MCM9: variants seen among roughly 807,000 people sequenced by gnomAD.
MCM9 encodes minichromosome maintenance 9 homologous recombination repair factor.
A neutral mutation model predicts 72.8 loss-of-function variants in MCM9; 55 were observed. The ratio of observed to expected loss-of-function variants is 0.76; its 90% CI spans 0.61 to 0.95. MCM9 has a LOEUF of 0.95. Ranked by LOEUF, MCM9 falls within the 40% of genes least tolerant of loss-of-function variation. The probability of loss-of-function intolerance (pLI) is 0.00; values close to 1 mark genes in which losing one functional copy is unlikely to be tolerated. For missense variants in MCM9, 1,279 were observed against 1,377.0 expected, an observed-to-expected ratio of 0.93 and a Z score of 1.13; for synonymous variants, 480 against 503.4, an observed-to-expected ratio of 0.95 and a Z score of 0.62.
At chr6:118,868,680 G>T (rs566501908) in intron 8 of MCM9, among the ~76,000 whole-genome samples, 1 of 152,230 alleles carries the variant, frequency 6.6e-6, no homozygotes, top group South Asian at 2.1e-4. Context: ...CATCATCACT[G>T]GTCATTAGAG....
chr6:118,874,732 T>C (rs1777828469), intron 8 of MCM9, among the ~76,000 whole-genome samples: 1 of 152,260 alleles, frequency 6.6e-6, no homozygotes, highest in Non-Finnish European at 1.5e-5. Flanking sequence ...TAAGTGATTA[T>C]AGCAAGGTTG....
chr6:118,821,194 A>C (rs1773782201), intron 13 of MCM9, among the ~76,000 whole-genome samples: 1 of 152,180 alleles, frequency 6.6e-6, no homozygotes, highest in Admixed American at 6.5e-5. Flanking sequence ...TTTGCACATT[A>C]GTTGATGCAG....
At position 118,829,144 on chromosome 6, in the gene MCM9, G is replaced by A. The variant is rs1310903225; in HGVS notation, c.1432C>T (p.Pro478Ser). ...ATCAGGTCAAATCGACTTAAGAGTG[G>A]GCTGCCGAGGGCAATGTTCACAGAC... ...SVSVNIALGS[P>S]LLSRFDLILV... The change falls in exon 10 of 14, where the codon CCA becomes TCA. Residue 478 changes from proline (P) to serine (S), a missense_variant. Coordinates refer to ENST00000619706, the MANE Select transcript of MCM9 (RefSeq NM_017696.3). The A allele has an allele frequency of 1.3e-6, 2 of 1,550,376 alleles. No homozygotes were observed. Among genetic ancestry groups the A allele is most frequent in the Non-Finnish European group, 8.7e-7 (1 of 1,146,990 alleles).
At chr6:118,828,178 A>G in intron 10 of MCM9, 48 bp from the exon 11 acceptor site, 1 of 1,405,236 alleles carries the variant, frequency 7.1e-7, no homozygotes, top group Non-Finnish European at 9.7e-7. Flanking sequence ...ACAGGCAAAC[A>G]TCTCATTTTA....
chr6:118,920,707 C>G (rs1458095403), intron 5 of MCM9: 3 of 152,226 alleles, frequency 2.0e-5, no homozygotes, highest in Non-Finnish European at 4.4e-5. Flanking sequence ...TGTGCCTGCT[C>G]CCCCTCTCCC....
chr6:118,875,829 C>T (rs973326029), intron 8 of MCM9, among the ~76,000 whole-genome samples: 7 of 152,080 alleles, frequency 4.6e-5, no homozygotes, highest in African/African-American at 1.7e-4. Context: ...TTGGCAGTTT[C>T]TAACAAAAGC....
intron 5 of MCM9, chr6:118,920,648 G>A (rs1330446268): frequency 3.3e-5 from 5 of 152,164 alleles, no homozygotes; most frequent in Non-Finnish European, 5.9e-5. Flanking sequence ...ATTTAAATGT[G>A]TGTGGCACCT....
At chr6:118,816,378 A>G in intron 13 of MCM9, 84 bp from the exon 14 acceptor site, 2 of 1,187,666 alleles carry the variant, frequency 1.7e-6, no homozygotes, top group Non-Finnish European at 2.3e-6. Flanking sequence ...TCTCTGAGAT[A>G]CCATCTTAAA....
chr6:118,832,119 G>A (rs976727948), intron 9 of MCM9, among the ~76,000 whole-genome samples: 3 of 152,116 alleles, frequency 2.0e-5, no homozygotes, highest in African/African-American at 7.2e-5. Flanking sequence ...GTAGTGCAGT[G>A]GAGCAATTAC....
chr6:118,829,357 C>CTCCT, intron 9 of MCM9, 107 bp from the exon 10 acceptor site: 1 of 1,010,322 alleles, frequency 9.9e-7, no homozygotes, highest in Non-Finnish European at 1.4e-6. Context: ...AATCTACGAA[C>CTCCT]TCCTATGAAA....
chr6:118,898,933 G>A (rs1779616322), intron 8 of MCM9, among the ~76,000 whole-genome samples: 1 of 152,060 alleles, frequency 6.6e-6, no homozygotes, highest in Non-Finnish European at 1.5e-5. Context: ...TCATTGACAG[G>A]TTCCAAATTT....
chr6:118,906,577 C>T (rs1780192245), intron 8 of MCM9, among the ~76,000 whole-genome samples: 1 of 152,114 alleles, frequency 6.6e-6, no homozygotes, highest in Non-Finnish European at 1.5e-5. Context: ...CCTATGAATA[C>T]GGTTATCTCA....
chr6:118,855,058 G>T (rs914063949), intron 9 of MCM9, among the ~76,000 whole-genome samples: 1 of 152,130 alleles, frequency 6.6e-6, no homozygotes, highest in Non-Finnish European at 1.5e-5. Context: ...GCACAAAGTA[G>T]CTGTGGTTAT....
At chr6:118,843,670 GTATGTATA>G (rs1775617550) in intron 9 of MCM9, among the ~76,000 whole-genome samples, 2 of 17,144 alleles carry the variant, frequency 1.2e-4, no homozygotes, top group Non-Finnish European at 2.4e-4. Context: ...ATATATATAT[GTATGTATA>G]TATATATGTG....
rs1029931295 is a variant in MCM9 at position 118,828,140 on chromosome 6, T to A, written c.1529-10A>T. 28 of 1,546,170 alleles carry A rather than the reference T, an allele frequency of 1.8e-5. No individual in the cohort carries two copies. Among genetic ancestry groups the A allele is most frequent in the Non-Finnish European group, 2.4e-5 (27 of 1,143,526 alleles). Reference sequence around the variant, plus strand: ...GATTTGCTTGGGTAACCTGTATGTATCAGGTGTTGGGTCAGTAAGTTCTTA... The same window carrying A: ...GATTTGCTTGGGTAACCTGTATGTAACAGGTGTTGGGTCAGTAAGTTCTTA... On this transcript the variant is annotated splice_polypyrimidine_tract_variant and intron_variant, in intron 10 of 13. Coordinates refer to ENST00000619706, the MANE Select transcript of MCM9 (RefSeq NM_017696.3).
chr6:118,896,041 G>A (rs1012884338), intron 8 of MCM9, among the ~76,000 whole-genome samples: 2 of 138,560 alleles, frequency 1.4e-5, no homozygotes, highest in African/African-American at 2.6e-5. Flanking sequence ...ATGTGCCCCC[G>A]TTTTTTTTTT....
At chr6:118,876,550 A>G (rs1289336922) in intron 8 of MCM9, among the ~76,000 whole-genome samples, 1 of 152,204 alleles carries the variant, frequency 6.6e-6, no homozygotes, top group African/African-American at 2.4e-5. Context: ...TAAAAAACAA[A>G]TTTTATTAAT....
chr6:118,901,435 A>G (rs1779793189), intron 8 of MCM9, among the ~76,000 whole-genome samples: 1 of 152,190 alleles, frequency 6.6e-6, no homozygotes, highest in Non-Finnish European at 1.5e-5. Flanking sequence ...AGAGTTTACT[A>G]AAGCATCTTA....
chr6:118,882,987 G>A (rs1248005793), intron 8 of MCM9, among the ~76,000 whole-genome samples: 1 of 146,556 alleles, frequency 6.8e-6, no homozygotes, highest in Non-Finnish European at 1.5e-5. Flanking sequence ...GCAGACAACA[G>A]AAGCTGCCTG....
Sources: gnomAD v4.1 joint callset for allele counts (sites outside exome capture counted in the v4.1 genomes callset) on GRCh38, gnomAD v4.1.1 for gene constraint, MANE v1.5 for transcripts, NCBI Gene and HGNC (gene_info 2026-07-23, HGNC 2026-07-21) for gene names.